The following FTO variants were observed in gnomAD, a reference collection of about 807,000 sequenced individuals.
FTO encodes the protein FTO alpha-ketoglutarate dependent dioxygenase, also known as alpha-ketoglutarate-dependent dioxygenase FTO.
FTO carries 47 observed loss-of-function variants against 63.9 expected under a neutral mutation model. The ratio of observed to expected loss-of-function variants is 0.74; its 90% confidence interval spans 0.58 to 0.94. FTO has a LOEUF of 0.94. Ranked by LOEUF, FTO falls within the 40% of genes least tolerant of loss-of-function variation. The pLI is 0.00. For missense variants in FTO, 562 were observed against 618.1 expected (o/e 0.91, Z 0.96); for synonymous variants, 207 against 224.4 (o/e 0.92, Z 0.69).
chr16:54,107,140 T>C (rs2086773974), intron 8 of FTO, among the ~76,000 whole-genome samples: 1 of 150,754 alleles, frequency 6.6e-6, no homozygotes, highest in South Asian at 2.1e-4. Context: ...TACAATATTT[T>C]ATGTGTATAT....
At chr16:53,872,392 GC>G (rs2080525840) in intron 4 of FTO, among the ~76,000 whole-genome samples, 1 of 152,148 alleles carries the variant, frequency 6.6e-6, no homozygotes, top group Non-Finnish European at 1.5e-5. Context: ...AGGCCCTGTG[GC>G]CTTGGCCTCC....
intron 8 of FTO, among the ~76,000 whole-genome samples, chr16:54,066,945 T>G (rs879391480): frequency 3.9e-5 from 6 of 152,266 alleles, no homozygotes; most frequent in Admixed American, 3.9e-4. Flanking sequence ...CATGCACAGT[T>G]AAATGGAAAT....
intron 7 of FTO, among the ~76,000 whole-genome samples, chr16:53,924,617 G>A (rs1210986239): frequency 6.6e-6 from 1 of 151,946 alleles, no homozygotes; most frequent in African/African-American, 2.4e-5. Context: ...GGCGGGGGAG[G>A]GGAAGGAAGG....
At chr16:53,745,223 A>T (rs550366025) in intron 1 of FTO, among the ~76,000 whole-genome samples, 1 of 152,324 alleles carries the variant, frequency 6.6e-6, no homozygotes, top group African/African-American at 2.4e-5. Flanking sequence ...CACACTTGCT[A>T]ATGAATAATT....
intron 8 of FTO, among the ~76,000 whole-genome samples, chr16:54,009,316 T>G (rs1176898072): frequency 1.3e-5 from 2 of 152,206 alleles, no homozygotes; most frequent in African/African-American, 4.8e-5. Context: ...GGAGTATTAT[T>G]CTTACAACTT....
At position 53,857,879 on chromosome 16, in the gene FTO, A is replaced by G. The variant is rs564607205; in HGVS notation, c.895+13581A>G. Among the ~76,000 whole-genome samples, 3 of 152,322 alleles carry G rather than the reference A, an allele frequency of 2.0e-5. No individual in the cohort carries two copies. The East Asian group carries it at 5.8e-4, about 29-fold the overall frequency. ...AAATTGATGTTTCTACAAGGAGACAAGTGCTATTCTGACATCTTGCTTGAA... is the reference window on the plus strand; with the variant it reads ...AAATTGATGTTTCTACAAGGAGACAGGTGCTATTCTGACATCTTGCTTGAA... On this transcript the variant is annotated intron_variant, in intron 4 of 8. Coordinates refer to ENST00000471389, the MANE Select transcript of FTO (RefSeq NM_001080432.3).
intron 4 of FTO, among the ~76,000 whole-genome samples, chr16:53,851,834 A>G (rs1598825868): frequency 6.6e-6 from 1 of 152,226 alleles, no homozygotes; most frequent in East Asian, 1.9e-4. Flanking sequence ...AAAGTTGAGG[A>G]AGATCTAAAA....
intron 8 of FTO, among the ~76,000 whole-genome samples, chr16:54,014,929 C>T (rs377551773): frequency 9.6e-5 from 14 of 146,090 alleles, no homozygotes; most frequent in African/African-American, 2.3e-4. Flanking sequence ...AATCACAGCT[C>T]GCTTCAGCCT....
chr16:54,048,225 A>G (rs1335254054), intron 8 of FTO, among the ~76,000 whole-genome samples: 1 of 142,782 alleles, frequency 7.0e-6, no homozygotes, highest in African/African-American at 2.7e-5. Context: ...AAAAAAAATA[A>G]AAAATAAAAA....
chr16:54,074,904 G>A (rs1255944891), intron 8 of FTO, among the ~76,000 whole-genome samples: 1 of 116,152 alleles, frequency 8.6e-6, no homozygotes, highest in Non-Finnish European at 1.8e-5. Flanking sequence ...GGGAGAGAGA[G>A]AGAGAGAGAG....
At chr16:53,857,501 G>A (rs925396818) in intron 4 of FTO, among the ~76,000 whole-genome samples, 5 of 151,684 alleles carry the variant, frequency 3.3e-5, no homozygotes, top group East Asian at 3.9e-4. Context: ...TGGATTCTGG[G>A]GCTTCGAGGG....
intron 6 of FTO, among the ~76,000 whole-genome samples, chr16:53,882,652 C>T (rs1012384222): frequency 3.3e-5 from 5 of 152,162 alleles, no homozygotes; most frequent in African/African-American, 1.2e-4. Flanking sequence ...TTCCATGAGA[C>T]TGGGGAGCAG....
chr16:53,971,335 T>C (rs1708767065), intron 8 of FTO, among the ~76,000 whole-genome samples: 1 of 152,368 alleles, frequency 6.6e-6, no homozygotes. Flanking sequence ...TTATGGCTTT[T>C]GGTACATATT....
At chr16:53,955,754 A>G (rs7185301) in intron 8 of FTO, among the ~76,000 whole-genome samples, 24,304 of 152,200 alleles carry the variant, frequency 0.16, 2,153 homozygotes, top group Admixed American at 0.21. Flanking sequence ...GTTAAATAAC[A>G]TTGACCATAA....
intron 8 of FTO, among the ~76,000 whole-genome samples, chr16:54,008,199 T>A (rs1318650552): frequency 2.0e-5 from 3 of 152,326 alleles, no homozygotes; most frequent in Middle Eastern, 3.4e-3. Context: ...CAGTGAGTAT[T>A]TGAGGGCCAA....
intron 8 of FTO, among the ~76,000 whole-genome samples, chr16:54,096,032 G>A (rs2086509117): frequency 6.6e-6 from 1 of 152,218 alleles, no homozygotes; most frequent in African/African-American, 2.4e-5. Flanking sequence ...CTGCTAGCAT[G>A]TAAGCGCCAC....
chr16:53,833,399 A>G (rs1422225666), intron 3 of FTO, among the ~76,000 whole-genome samples: 3 of 152,232 alleles, frequency 2.0e-5, no homozygotes, highest in Non-Finnish European at 4.4e-5. Flanking sequence ...AAAGATGACT[A>G]ATATTCCATT....
At chr16:53,911,787 G>C (rs1470948220) in intron 7 of FTO, among the ~76,000 whole-genome samples, 3 of 152,142 alleles carry the variant, frequency 2.0e-5, no homozygotes, top group African/African-American at 7.2e-5. Context: ...ATCACAAATG[G>C]GAGGCAATTT....
chr16:53,957,422 C>T lies in FTO; in HGVS notation c.1364+23313C>T, dbSNP rs371531957. ...AATTTCTTCATGGTTCATTGTAGAA[C>T]GCTAGAAAATGATTACCATTGGACG... is the stretch of plus-strand genomic sequence containing the variant. On this transcript the variant is annotated intron_variant, in intron 8 of 8. Coordinates refer to ENST00000471389, the MANE Select transcript of FTO (RefSeq NM_001080432.3). 9.9e-5 allele frequency among the ~76,000 whole-genome samples: 15 copies of T among 152,172 alleles called. No homozygotes were observed. In the South Asian group the frequency reaches 1.7e-3, roughly 17 times the overall value.
Sources: gnomAD v4.1 joint callset for allele counts (sites outside exome capture counted in the v4.1 genomes callset) on GRCh38, gnomAD v4.1.1 for gene constraint, MANE v1.5 for transcripts, NCBI Gene and HGNC (gene_info 2026-07-23, HGNC 2026-07-21) for gene names.